Variants in DDB1 observed in about 807,000 individuals in gnomAD.
DDB1 encodes the protein DNA damage-binding protein 1.
A neutral mutation model predicts 133.1 loss-of-function variants in DDB1; 18 were observed. That is an observed-to-expected ratio of 0.14 (90% CI 0.09 to 0.20). The LOEUF (loss-of-function observed/expected upper bound fraction) is 0.20. DDB1 is among the 10% of genes least tolerant of loss of function. The pLI, the probability that DDB1 is intolerant of heterozygous loss-of-function variation, is 1.00. For missense variants in DDB1, 828 were observed against 1,459.2 expected (o/e 0.57, Z 7.05); for synonymous variants, 580 against 550.5 (o/e 1.05, Z -0.75).
chr11:61,331,958 G>C (rs1856384821), intron 1 of DDB1: 3 of 397,902 alleles, frequency 7.5e-6, no homozygotes, highest in Non-Finnish European at 1.4e-5. Context: ...CAATGACTGC[G>C]TAATCCCTTC....
chr11:61,303,208 T>G, intron 22 of DDB1, 53 bp from the exon 23 acceptor site: 7 of 1,540,828 alleles, frequency 4.5e-6, no homozygotes, highest in Non-Finnish European at 6.3e-6. Context: ...TTGCACGGAA[T>G]CCAGTTCTGG....
chr11:61,301,975 C>T, intron 25 of DDB1: 1 of 281,606 alleles, frequency 3.6e-6, no homozygotes, highest in African/African-American at 2.1e-5. Flanking sequence ...TGGCCTGCTA[C>T]ACCGAGAGGG....
chr11:61,324,042 C>T lies in DDB1; in HGVS notation c.858G>A (p.Glu286=), dbSNP rs1369216435. ...CGGTGCCATCCATCTGTTCCTCCTT[C>T]TCCAAAAGCAGCATGAAGAGCCGGC... ...MEGRLFMLLL[E]KEEQMDGTVT... The change falls in exon 7 of 27, where the codon GAG becomes GAA. Residue 286 remains glutamate (E), a synonymous_variant. Coordinates refer to ENST00000301764, the MANE Select transcript of DDB1 (RefSeq NM_001923.5). 8 of 1,614,088 alleles carry T rather than the reference C, an allele frequency of 5.0e-6. No individual in the cohort carries two copies. The highest frequency in any genetic ancestry group is 6.8e-6 in the Non-Finnish European group (8 of 1,180,048).
At chr11:61,305,463 C>T (rs1443764704) in intron 21 of DDB1, among the ~76,000 whole-genome samples, 7 of 152,178 alleles carry the variant, frequency 4.6e-5, no homozygotes, top group African/African-American at 2.4e-5. Flanking sequence ...GCCAAGACTG[C>T]GCCATTGCAC....
chr11:61,315,232 T>TA (rs1856043969), intron 12 of DDB1: 2 of 152,242 alleles, frequency 1.3e-5, no homozygotes, highest in African/African-American at 4.8e-5. Context: ...AGTTCCTTAG[T>TA]AAAGATTACA....
At position 61,322,562 on chromosome 11, in the gene DDB1, T is replaced by C. The variant is rs28720288; in HGVS notation, c.1006-150A>G. On this transcript the variant is annotated intron_variant, in intron 8 of 26. Transcript: ENST00000301764. ...AAGGGATGATTCCAGAAGGGGACTA[T>C]TGACGAAAGAATATGGTTGTCCCAC... The C allele has an allele frequency of 4.1e-3, 2,711 of 656,208 alleles. 18 individuals are homozygous for C. Among genetic ancestry groups the C allele is most frequent in the Middle Eastern group, 9.8e-3 (39 of 3,986 alleles). 40.6% of individuals were successfully genotyped at this position (656,208 alleles called of 1,614,324 possible).
chr11:61,331,256 G>A (rs1430188396), intron 2 of DDB1, among the ~76,000 whole-genome samples: 1 of 151,992 alleles, frequency 6.6e-6, no homozygotes, highest in Non-Finnish European at 1.5e-5. Flanking sequence ...GCTATCCAAA[G>A]AGAGAAAAAA....
rs529844998 is a variant in DDB1, at chr11:61,308,226, C to T, written c.2661+757G>A. Among the ~76,000 whole-genome samples the T allele has an allele frequency of 1.7e-3, 263 of 152,298 alleles. 1 individual carries two copies. Among genetic ancestry groups the T allele is most frequent in the Non-Finnish European group, 2.6e-3 (178 of 68,036 alleles). The stretch of plus-strand genomic sequence containing the variant: ...ACACCAGCTCAGTCCCCACAGACAC[C>T]AGGCCCGCCCACTCTCACCTATGAC... On this transcript the variant is annotated intron_variant, in intron 21 of 26. Transcript: ENST00000301764.
Position 61,329,445 on chromosome 11 carries a change from T to C in DDB1, c.467A>G (p.Asn156Ser), listed in dbSNP as rs1230237434. The C allele has an allele frequency of 1.9e-6, 3 of 1,614,166 alleles. No homozygotes were observed. Among genetic ancestry groups the C allele is most frequent in the East Asian group, 2.2e-5 (1 of 44,884 alleles). The change falls in exon 4 of 27, where the codon AAC becomes AGC. Residue 156 changes from asparagine (N) to serine (S), a missense_variant. By Grantham distance (46) the Asn-to-Ser change is conservative. Transcript: ENST00000301764. ...DRDNKELKAF[N>S]IRLEELHVID... ...GACATGCAGCTCCTCCAGGCGGATG[T>C]TGAAGGCCTTGAGTTCTTTATTATC...
At chr11:61,330,199 A>G (rs951698108) in intron 2 of DDB1, 125 bp from the exon 3 acceptor site, 8 of 709,028 alleles carry the variant, frequency 1.1e-5, no homozygotes, top group Non-Finnish European at 4.7e-6. Context: ...GAGAAAATAC[A>G]TGGTGAGCTT....
chr11:61,303,473 G>C lies in DDB1; in HGVS notation c.2833-318C>G, dbSNP rs191089386. The C allele has an allele frequency of 1.2e-3, 383 of 317,870 alleles. 1 individual carries two copies. The highest frequency in any genetic ancestry group is 1.8e-3 in the Non-Finnish European group (310 of 167,884). The allele number at this position is 317,870 out of a possible 1,614,324, so 19.7% of individuals were successfully genotyped here. A position where few individuals can be genotyped will look rare whatever the true frequency, so the allele number is the denominator to read the frequency against. Reference sequence around the variant, plus strand: ...GGAGGCCGTGGCGGGCCGATTATGAGGTCAGGAGATCGAGACCATCCTGGC... The same window carrying C: ...GGAGGCCGTGGCGGGCCGATTATGACGTCAGGAGATCGAGACCATCCTGGC... On this transcript the variant is annotated intron_variant, in intron 22 of 26. Coordinates refer to ENST00000301764, the MANE Select transcript of DDB1 (RefSeq NM_001923.5).
chr11:61,321,474 C>G, intron 10 of DDB1, 121 bp downstream of exon 10: 1 of 609,604 alleles, frequency 1.6e-6, no homozygotes, highest in South Asian at 1.7e-5. Context: ...TCTGTTGTTA[C>G]GACTTTCACT....
intron 1 of DDB1, chr11:61,332,245 G>C (rs1413918682): frequency 1.3e-5 from 2 of 155,978 alleles, no homozygotes; most frequent in African/African-American, 2.4e-5. Context: ...TCATGATTAG[G>C]GTGTATATAA....
chr11:61,309,718 T>G, intron 20 of DDB1, 78 bp downstream of exon 20: 4 of 1,493,374 alleles, frequency 2.7e-6, no homozygotes, highest in Non-Finnish European at 3.6e-6. Flanking sequence ...TAACTGAGGC[T>G]CTCTGAAACC....
rs574780415 is a variant in DDB1, at chr11:61,312,652, G to A, written c.2070-568C>T. ...TTTTTTCTTGTCACCAGGCTGGAGC[G>A]CAATGGTGGGATCTTGGCTCACTGA... On this transcript the variant is annotated intron_variant, in intron 16 of 26. Coordinates refer to ENST00000301764, the MANE Select transcript of DDB1 (RefSeq NM_001923.5). 2.4e-4 allele frequency among the ~76,000 whole-genome samples: 37 copies of A among 151,762 alleles called. 1 individual carries two copies. Among genetic ancestry groups the A allele is most frequent in the Non-Finnish European group, 4.7e-4 (32 of 67,986 alleles).
chr11:61,305,322 C>T (rs201101260), intron 21 of DDB1, among the ~76,000 whole-genome samples: 4 of 152,306 alleles, frequency 2.6e-5, no homozygotes, highest in East Asian at 1.9e-4. Flanking sequence ...TCCTGGCCAA[C>T]GTGGTGAAAC....
At chr11:61,321,938 C>T (rs898321081) in intron 9 of DDB1, 7 of 550,378 alleles carry the variant, frequency 1.3e-5, no homozygotes, top group African/African-American at 5.6e-5. Flanking sequence ...TTGCTTAGAT[C>T]GCTGGGACCT....
Position 61,300,208 on chromosome 11 carries a change from G to A in DDB1, c.3351C>T (p.Gly1117=). 2 of 1,614,084 alleles carry A rather than the reference G, an allele frequency of 1.2e-6. No individual in the cohort carries two copies. The highest frequency in any genetic ancestry group is 1.7e-6 in the Non-Finnish European group (2 of 1,180,000). The change falls in exon 27 of 27, where the codon GGC becomes GGT. Residue 1117 remains glycine, a synonymous_variant. Coordinates refer to ENST00000301764, the MANE Select transcript of DDB1 (RefSeq NM_001923.5). The part of the protein sequence containing the change: ...EVVANLQYDD[G]SGMKREATAD... ...CAGTGGCCTCTCGCTTCATACCGCT[G>A]CCATCGTCATACTGCAATGAGAAGA...
rs528813428 is a variant in DDB1 at position 61,327,457 on chromosome 11, A to G, written c.550-564T>C. 1,455 of 157,968 alleles carry G rather than the reference A, an allele frequency of 9.2e-3. 6 individuals carry two copies. The highest frequency in any genetic ancestry group is 0.013 in the Non-Finnish European group (950 of 70,974). 9.8% of individuals were successfully genotyped at this position (157,968 alleles called of 1,614,324 possible). On this transcript the variant is annotated intron_variant, in intron 4 of 26. Coordinates refer to ENST00000301764, the MANE Select transcript of DDB1 (RefSeq NM_001923.5). ...AAGACTCCATCTCAGAAAAAAAAAAAAAAGAGATACAGTGTGTGTGCCTGT... is the reference window on the plus strand; with the variant it reads ...AAGACTCCATCTCAGAAAAAAAAAAGAAAGAGATACAGTGTGTGTGCCTGT...
Sources: allele counts gnomAD v4.1 joint callset (sites outside exome capture counted in the v4.1 genomes callset), GRCh38; gene constraint gnomAD v4.1.1; transcripts MANE v1.5; gene names NCBI Gene and HGNC (gene_info 2026-07-23, HGNC 2026-07-21).